The following LHFPL4 variants were observed in gnomAD, a reference collection of about 807,000 sequenced individuals.
LHFPL4 encodes LHFPL tetraspan subfamily member 4.
Under a neutral mutation model 20.0 loss-of-function variants are expected in LHFPL4, and 6 were observed. That is an observed-to-expected ratio of 0.30 (90% CI 0.16 to 0.59). The LOEUF (loss-of-function observed/expected upper bound fraction) is 0.59. LHFPL4 is among the 20% of genes least tolerant of loss of function. LHFPL4 has a pLI of 0.88. For missense variants in LHFPL4, 215 were observed against 331.2 expected, an observed-to-expected ratio of 0.65 and a Z score of 2.72; for synonymous variants, 129 against 143.8, an observed-to-expected ratio of 0.90 and a Z score of 0.74.
chr3:9,553,324 C>G (rs946616558), intron 1 of LHFPL4, among the ~76,000 whole-genome samples: 1 of 141,832 alleles, frequency 7.1e-6, no homozygotes, highest in Non-Finnish European at 1.5e-5. Context: ...GTATGAGGGT[C>G]TAAGAGGGCA....
intron 2 of LHFPL4, among the ~76,000 whole-genome samples, chr3:9,543,059 C>T (rs905383749): frequency 4.6e-5 from 7 of 152,092 alleles, no homozygotes. Flanking sequence ...TAATAGTTCA[C>T]TTGATATGGG....
intron 2 of LHFPL4, among the ~76,000 whole-genome samples, chr3:9,532,575 G>A (rs948579615): frequency 6.6e-6 from 1 of 151,780 alleles, no homozygotes; most frequent in African/African-American, 2.4e-5. Context: ...TTGGCCTCAA[G>A]CCTCCCTCCT....
At chr3:9,553,472 T>G (rs1177425615) in intron 1 of LHFPL4, among the ~76,000 whole-genome samples, 1 of 138,956 alleles carries the variant, frequency 7.2e-6, no homozygotes. Context: ...GGGCCAGGGT[T>G]GGAGAGAGGG....
chr3:9,522,855 C>T (rs1467135582), intron 2 of LHFPL4, among the ~76,000 whole-genome samples: 1 of 150,200 alleles, frequency 6.7e-6, no homozygotes, highest in Non-Finnish European at 1.5e-5. Flanking sequence ...TCCTGGCTAA[C>T]ACAGTGAAAC....
Position 9,498,545 on chromosome 3 carries a change from A to G in LHFPL4, c.*3666T>C, listed in dbSNP as rs2046146948. The G allele has an allele frequency of 6.5e-6, 1 of 152,714 alleles. No homozygotes were observed. The highest frequency in any genetic ancestry group is 2.4e-5 in the African/African-American group (1 of 41,450). The allele number at this position is 152,714 out of a possible 1,614,324, so 9.5% of individuals were successfully genotyped here. On this transcript the variant is annotated 3_prime_UTR_variant, in exon 4 of 4. Coordinates refer to ENST00000287585, the MANE Select transcript of LHFPL4 (RefSeq NM_198560.3). Reference sequence around the variant, plus strand: ...CAACACCAAGCTATCCTAACAGCACACAGCACAGGCCCTCGGAGGCCTGCC... The same window carrying G: ...CAACACCAAGCTATCCTAACAGCACGCAGCACAGGCCCTCGGAGGCCTGCC...
rs1180375824 is a variant in LHFPL4 at position 9,506,964 on chromosome 3, A to G, written c.407-761T>C. ...TTCCTTTTATTCACGATGCTAGAAT[A>G]TACTTTCATTCATGCAGTTGAGCAC... On this transcript the variant is annotated intron_variant, in intron 2 of 3. Transcript: ENST00000287585. This position sits in a 1 kb window ranked among gnomAD's most constrained non-coding sequence, Gnocchi z 4.5. Among the ~76,000 whole-genome samples the G allele has an allele frequency of 1.3e-5, 2 of 152,232 alleles. No homozygotes were observed. Among genetic ancestry groups the G allele is most frequent in the Admixed American group, 6.5e-5 (1 of 15,284 alleles).
At chr3:9,550,595 G>T (rs1336486138) in intron 2 of LHFPL4, 1 of 152,216 alleles carries the variant, frequency 6.6e-6, no homozygotes, top group African/African-American at 2.4e-5. Context: ...TGAAAGCCAA[G>T]AGGTCAGCAA....
chr3:9,514,451 A>G (rs2046284381), intron 2 of LHFPL4, among the ~76,000 whole-genome samples: 1 of 152,120 alleles, frequency 6.6e-6, no homozygotes, highest in Non-Finnish European at 1.5e-5. Context: ...CTCACTATCG[A>G]CATCCCCCAC....
intron 2 of LHFPL4, among the ~76,000 whole-genome samples, chr3:9,540,048 C>G (rs2046467958): frequency 6.6e-6 from 1 of 152,142 alleles, no homozygotes; most frequent in South Asian, 2.1e-4. Context: ...GTTGATAGAT[C>G]TGTCAAATTG....
rs112691105 is a variant in LHFPL4 at position 9,511,993 on chromosome 3, C to T, written c.407-5790G>A. On this transcript the variant is annotated intron_variant, in intron 2 of 3. Coordinates refer to ENST00000287585, the MANE Select transcript of LHFPL4 (RefSeq NM_198560.3). ...TGTCGCCCAGGCTGGAGTGCAGTGG[C>T]GCAATCTCGGCTCACCGCAAGTTCC... Among the ~76,000 whole-genome samples, 9 of 151,450 alleles carry T rather than the reference C, an allele frequency of 5.9e-5. 1 individual carries two copies. The highest frequency in any genetic ancestry group is 1.9e-4 in the African/African-American group (8 of 41,244).
chr3:9,552,149 CAA>C, intron 2 of LHFPL4, 123 bp downstream of exon 2: 1 of 1,307,632 alleles, frequency 7.6e-7, no homozygotes, highest in Middle Eastern at 2.0e-4. Context: ...GTCCGTCAGC[CAA>C]AGAGGTGAGT....
intron 2 of LHFPL4, among the ~76,000 whole-genome samples, chr3:9,524,769 T>A (rs1298281783): frequency 6.6e-6 from 1 of 152,224 alleles, no homozygotes; most frequent in Non-Finnish European, 1.5e-5. Flanking sequence ...ATTTGCTCTG[T>A]CTCTTCAAAC....
At chr3:9,517,647 G>A (rs1432539934) in intron 2 of LHFPL4, among the ~76,000 whole-genome samples, 7 of 137,804 alleles carry the variant, frequency 5.1e-5, no homozygotes, top group Non-Finnish European at 7.6e-5. Flanking sequence ...TGATTGAGCC[G>A]TTACACTCCA....
chr3:9,530,317 A>G (rs1290253954), intron 2 of LHFPL4, among the ~76,000 whole-genome samples: 2 of 152,210 alleles, frequency 1.3e-5, no homozygotes, highest in African/African-American at 4.8e-5. Flanking sequence ...CAGATCTTCT[A>G]GTGACTTGCT....
chr3:9,515,215 CATT>C (rs1156285161), intron 2 of LHFPL4, among the ~76,000 whole-genome samples: 8 of 152,144 alleles, frequency 5.3e-5, no homozygotes, highest in South Asian at 2.1e-4. Context: ...AGTGCTATCT[CATT>C]GTTGTTTGAA....
At chr3:9,548,094 C>T (rs1455319369) in intron 2 of LHFPL4, among the ~76,000 whole-genome samples, 1 of 152,194 alleles carries the variant, frequency 6.6e-6, no homozygotes, top group Non-Finnish European at 1.5e-5. Context: ...GCATGAGCCA[C>T]CGAGCCTGGC....
At chr3:9,537,329 C>T (rs763216027) in intron 2 of LHFPL4, among the ~76,000 whole-genome samples, 32 of 152,138 alleles carry the variant, frequency 2.1e-4, no homozygotes, top group Non-Finnish European at 3.8e-4. Flanking sequence ...ACTCGTGGTT[C>T]CAGACCTTGA....
intron 2 of LHFPL4, among the ~76,000 whole-genome samples, chr3:9,512,973 T>G (rs906531728): frequency 3.3e-5 from 5 of 150,548 alleles, no homozygotes; most frequent in African/African-American, 5.0e-5. Context: ...TTGTTTGTTT[T>G]TTGGAGACGG....
intron 2 of LHFPL4, among the ~76,000 whole-genome samples, chr3:9,534,592 G>A (rs1395819350): frequency 6.6e-6 from 1 of 152,192 alleles, no homozygotes; most frequent in East Asian, 1.9e-4. Context: ...GTAGCTGGAG[G>A]AGCAGATTTT....
Sources: allele counts gnomAD v4.1 joint callset (sites outside exome capture counted in the v4.1 genomes callset), GRCh38; gene constraint gnomAD v4.1.1; non-coding constraint Gnocchi (gnomAD v3.1); transcripts MANE v1.5; gene names NCBI Gene and HGNC (gene_info 2026-07-23, HGNC 2026-07-21).